RARB: variants seen among roughly 807,000 people sequenced by gnomAD.
RARB encodes HBV-activated protein.
RARB carries 17 observed loss-of-function variants against 51.9 expected under a neutral mutation model. That is an observed-to-expected ratio of 0.33 (90% CI 0.22 to 0.49). The LOEUF is 0.49. Among genes scored for constraint, RARB ranks in the 20% least tolerant of loss-of-function variants. The pLI, the probability that RARB is intolerant of heterozygous loss-of-function variation, is 0.99. For synonymous variants in RARB, 215 were observed against 195.4 expected (o/e 1.10, Z -0.84); for missense variants, 369 against 550.8 (o/e 0.67, Z 3.30).
intron 3 of RARB, among the ~76,000 whole-genome samples, chr3:25,106,388 G>A (rs567351618): frequency 4.0e-4 from 60 of 151,236 alleles, no homozygotes; most frequent in Non-Finnish European, 5.5e-4. Flanking sequence ...TGATCCTCCT[G>A]CCTCAGCCTC....
rs577290811 is a variant in RARB at position 25,378,780 on chromosome 3, T to C, written c.179-82413T>C. On this transcript the variant is annotated intron_variant, in intron 5 of 11. Transcript: ENST00000383772. ...AGCTAATAGGTAACTTCAAGGTCTT[T>C]GGTCTGTAAAATACTGATAAGAATG... Among the ~76,000 whole-genome samples the C allele has an allele frequency of 3.9e-5, 6 of 152,312 alleles. No homozygotes were observed. In the South Asian group the frequency reaches 1.2e-3, roughly 32 times the overall value.
At chr3:25,481,384 AAAAG>A (rs1455040606) in intron 2 of RARB, among the ~76,000 whole-genome samples, 1 of 152,258 alleles carries the variant, frequency 6.6e-6, no homozygotes, top group African/African-American at 2.4e-5. Context: ...GGATGAAAAT[AAAAG>A]AATTATGTTT....
Position 25,580,732 on chromosome 3 carries a change from T to C in RARB, c.786+10T>C. 1 of 1,591,028 alleles carries C rather than the reference T, an allele frequency of 6.3e-7. No homozygotes were observed. Among genetic ancestry groups the C allele is most frequent in the Middle Eastern group, 1.7e-4 (1 of 5,940 alleles). Reference sequence around the variant, plus strand: ...CTGCCTGGACATCCTGGTATGTGCCTTTTTGAGCTCTCAATGGGTCTGGGG... The same window carrying C: ...CTGCCTGGACATCCTGGTATGTGCCCTTTTGAGCTCTCAATGGGTCTGGGG... On this transcript the variant is annotated intron_variant, in intron 5 of 7. Coordinates refer to ENST00000330688, the MANE Select transcript of RARB (RefSeq NM_000965.5).
At chr3:25,043,356 C>T (rs1698150065) in intron 2 of RARB, among the ~76,000 whole-genome samples, 1 of 152,202 alleles carries the variant, frequency 6.6e-6, no homozygotes. Flanking sequence ...ATTCTTACAC[C>T]AGTGACTCAT....
intron 5 of RARB, among the ~76,000 whole-genome samples, chr3:25,186,633 TAGAA>T (rs1700982755): frequency 6.6e-6 from 1 of 152,008 alleles, no homozygotes; most frequent in Non-Finnish European, 1.5e-5. Flanking sequence ...GGATAGATCA[TAGAA>T]AGATAATGAA....
chr3:24,901,306 T>G (rs1703599746), intron 2 of RARB, among the ~76,000 whole-genome samples: 1 of 152,228 alleles, frequency 6.6e-6, no homozygotes, highest in Non-Finnish European at 1.5e-5. Context: ...ATTAAGAATT[T>G]CTTCAAAGAA....
intron 2 of RARB, among the ~76,000 whole-genome samples, chr3:24,914,789 T>C (rs1229608516): frequency 6.6e-6 from 1 of 152,186 alleles, no homozygotes; most frequent in African/African-American, 2.4e-5. Context: ...TCCAAGGATG[T>C]GGAACTCGAG....
chr3:25,492,102 G>A (rs1696772025), intron 2 of RARB, among the ~76,000 whole-genome samples: 1 of 152,200 alleles, frequency 6.6e-6, no homozygotes, highest in South Asian at 2.1e-4. Flanking sequence ...CAGTTTAGCA[G>A]TGTTTACTTG....
At chr3:25,533,604 C>G (rs1699015620) in intron 3 of RARB, among the ~76,000 whole-genome samples, 1 of 152,196 alleles carries the variant, frequency 6.6e-6, no homozygotes, top group Non-Finnish European at 1.5e-5. Flanking sequence ...TAAGTACTTA[C>G]TTTGCAAACG....
chr3:25,563,321 C>T (rs929014803), intron 3 of RARB, among the ~76,000 whole-genome samples: 2 of 152,306 alleles, frequency 1.3e-5, no homozygotes, highest in Middle Eastern at 3.4e-3. Flanking sequence ...ACATACTCTT[C>T]GGCACCCTAC....
chr3:25,177,878 T>G (rs1165763393), intron 5 of RARB, among the ~76,000 whole-genome samples: 1 of 152,192 alleles, frequency 6.6e-6, no homozygotes, highest in Non-Finnish European at 1.5e-5. Flanking sequence ...GAACAGACTT[T>G]TATTATATAT....
chr3:25,385,454 C>T (rs1420600935), intron 5 of RARB, among the ~76,000 whole-genome samples: 1 of 152,138 alleles, frequency 6.6e-6, no homozygotes, highest in Non-Finnish European at 1.5e-5. Flanking sequence ...ACCTGTCCTA[C>T]ATGTCAGCTA....
intron 5 of RARB, among the ~76,000 whole-genome samples, chr3:25,305,288 A>T (rs1704128954): frequency 1.3e-5 from 2 of 152,080 alleles, no homozygotes; most frequent in Non-Finnish European, 2.9e-5. Context: ...AAAAGAGAAA[A>T]AGGCTGGAGC....
intron 2 of RARB, among the ~76,000 whole-genome samples, chr3:25,468,571 C>G (rs540578047): frequency 6.6e-6 from 1 of 151,814 alleles, no homozygotes; most frequent in Non-Finnish European, 1.5e-5. Context: ...AAACACCCCA[C>G]TGCTTCAGCC....
At chr3:25,106,458 G>C (rs558896822) in intron 3 of RARB, among the ~76,000 whole-genome samples, 1 of 107,840 alleles carries the variant, frequency 9.3e-6, no homozygotes, top group Non-Finnish European at 1.8e-5. Context: ...TTTGTTTTTT[G>C]TTTTTTTTTG....
intron 2 of RARB, among the ~76,000 whole-genome samples, chr3:24,992,776 T>C (rs536574087): frequency 6.6e-6 from 1 of 152,290 alleles, no homozygotes; most frequent in Admixed American, 6.5e-5. Flanking sequence ...CGATCACCCA[T>C]ATGACCTCAT....
rs539178238 is a variant in RARB at position 25,009,455 on chromosome 3, G to C, written c.-379-50670G>C. ...TCCACTGGTCTTCACAAGTAAAATG[G>C]GTAATTGTGATCGGCATAAAAATTC... On this transcript the variant is annotated intron_variant, in intron 2 of 11. Transcript: ENST00000383772. Among the ~76,000 whole-genome samples, 7 of 152,114 alleles carry C rather than the reference G, an allele frequency of 4.6e-5. No individual in the cohort carries two copies. In the East Asian group the frequency reaches 1.4e-3, roughly 29 times the overall value.
At chr3:25,015,424 A>G (rs184115638) in intron 2 of RARB, among the ~76,000 whole-genome samples, 8 of 152,306 alleles carry the variant, frequency 5.3e-5, no homozygotes, top group Admixed American at 5.2e-4. Flanking sequence ...TGTTAAAATA[A>G]CTGTGAAATA....
At chr3:24,974,581 T>C (rs1008270316) in intron 2 of RARB, among the ~76,000 whole-genome samples, 3 of 152,158 alleles carry the variant, frequency 2.0e-5, no homozygotes, top group African/African-American at 7.2e-5. Flanking sequence ...ATTACATCAA[T>C]AATCTCTTAA....
Sources: allele counts gnomAD v4.1 joint callset (sites outside exome capture counted in the v4.1 genomes callset), GRCh38; gene constraint gnomAD v4.1.1; transcripts MANE v1.5; gene names NCBI Gene and HGNC (gene_info 2026-07-23, HGNC 2026-07-21).